SDK1: variants seen among roughly 807,000 people sequenced by gnomAD.
SDK1 encodes the protein protein sidekick-1.
SDK1 carries 157 observed loss-of-function variants against 245.5 expected under a neutral mutation model. The ratio of observed to expected loss-of-function variants is 0.64; its 90% CI spans 0.56 to 0.73. The LOEUF is 0.73. Ranked by LOEUF, SDK1 falls within the 30% of genes least tolerant of loss-of-function variation. The pLI is 0.00. For synonymous variants in SDK1, 1,647 were observed against 1,278.5 expected, an observed-to-expected ratio of 1.29 and a Z score of -6.15; for missense variants, 3,583 against 3,002.3, an observed-to-expected ratio of 1.19 and a Z score of -4.52.
intron 14 of SDK1, among the ~76,000 whole-genome samples, chr7:4,004,801 C>G (rs1008745983): frequency 6.6e-6 from 1 of 152,244 alleles, no homozygotes; most frequent in East Asian, 1.9e-4. Flanking sequence ...GCTATTCAGT[C>G]TATATTTAAT....
intron 7 of SDK1, among the ~76,000 whole-genome samples, chr7:3,953,269 AT>A (rs1422961466): frequency 6.6e-6 from 1 of 152,158 alleles, no homozygotes; most frequent in East Asian, 1.9e-4. Context: ...TCCTTTAATC[AT>A]TAGGAAATGA....
chr7:3,613,076 G>T (rs1488545523), intron 1 of SDK1, among the ~76,000 whole-genome samples: 3 of 152,206 alleles, frequency 2.0e-5, no homozygotes, highest in Non-Finnish European at 4.4e-5. Flanking sequence ...AGAACTTGCA[G>T]TTCAACTTGC....
In SDK1 at chr7:3,696,069, T is replaced by A. The variant is rs377075691; in HGVS notation, c.713+53964T>A. 2.6e-5 allele frequency among the ~76,000 whole-genome samples: 4 copies of A among 152,266 alleles called. No individual in the cohort carries two copies. In the South Asian group the frequency reaches 8.3e-4, roughly 32 times the overall value. ...GCGTTCCGGTTTTCCCACTTGTCCC[T>A]TGTTCTTATGCAATACTTGATCCTC... On this transcript the variant is annotated intron_variant, in intron 4 of 44. Coordinates refer to ENST00000404826, the MANE Select transcript of SDK1 (RefSeq NM_152744.4).
At chr7:3,439,698 A>G (rs1051834858) in intron 1 of SDK1, among the ~76,000 whole-genome samples, 2 of 152,268 alleles carry the variant, frequency 1.3e-5, no homozygotes, top group African/African-American at 4.8e-5. Context: ...GATAAGATAC[A>G]GCTTGCTTTA....
At chr7:4,241,681 G>C in intron 42 of SDK1, 112 bp from the exon 43 acceptor site, 1 of 1,347,088 alleles carries the variant, frequency 7.4e-7, no homozygotes, top group Non-Finnish European at 1.0e-6. Context: ...TCAGCTCTGG[G>C]CTCTGCGTGC....
chr7:3,992,225 C>T (rs773521447), intron 14 of SDK1, among the ~76,000 whole-genome samples: 86 of 152,226 alleles, frequency 5.6e-4, no homozygotes, highest in Non-Finnish European at 8.4e-4. Context: ...GGGCCTCTTC[C>T]GAGCTCTGTG....
chr7:3,385,351 C>T (rs938902981), intron 1 of SDK1, among the ~76,000 whole-genome samples: 2 of 152,060 alleles, frequency 1.3e-5, no homozygotes, highest in African/African-American at 2.4e-5. Flanking sequence ...TGTAACTTAA[C>T]ATTTCCATTT....
chr7:3,661,830 A>G (rs1278392908), intron 4 of SDK1, among the ~76,000 whole-genome samples: 1 of 152,136 alleles, frequency 6.6e-6, no homozygotes, highest in Non-Finnish European at 1.5e-5. Flanking sequence ...TCCGGGCACC[A>G]CACTTTCCTG....
intron 5 of SDK1, among the ~76,000 whole-genome samples, chr7:3,862,088 C>G (rs2115119101): frequency 6.6e-6 from 1 of 152,322 alleles, no homozygotes. Context: ...GGGGAGTTTC[C>G]TGCAGAAACA....
chr7:3,356,615 CTAAG>C (rs1458592345), intron 1 of SDK1, among the ~76,000 whole-genome samples: 2 of 152,126 alleles, frequency 1.3e-5, no homozygotes, highest in Non-Finnish European at 2.9e-5. Flanking sequence ...AGGTATAGAA[CTAAG>C]TGTGTTGTCT....
chr7:4,158,910 A>G (rs1780938595), intron 31 of SDK1, among the ~76,000 whole-genome samples: 1 of 152,232 alleles, frequency 6.6e-6, no homozygotes, highest in Non-Finnish European at 1.5e-5. Context: ...CTTTGACAAC[A>G]GCGCAGGTAA....
At chr7:3,407,050 C>T (rs1367893364) in intron 1 of SDK1, among the ~76,000 whole-genome samples, 1 of 152,116 alleles carries the variant, frequency 6.6e-6, no homozygotes, top group African/African-American at 2.4e-5. Context: ...CAGAGATTAT[C>T]CTTTCACCCA....
chr7:3,687,494 A>G (rs1015628741), intron 4 of SDK1, among the ~76,000 whole-genome samples: 2 of 152,234 alleles, frequency 1.3e-5, no homozygotes, highest in Admixed American at 1.3e-4. Flanking sequence ...CTGGTAACAG[A>G]TATCGAACCG....
chr7:3,865,481 G>C (rs946290199), intron 5 of SDK1, among the ~76,000 whole-genome samples: 1 of 152,084 alleles, frequency 6.6e-6, no homozygotes, highest in Non-Finnish European at 1.5e-5. Context: ...TAGAAACCAG[G>C]TGTCTATTTT....
chr7:3,440,225 A>T (rs1220474711), intron 1 of SDK1, among the ~76,000 whole-genome samples: 1 of 152,188 alleles, frequency 6.6e-6, no homozygotes, highest in Admixed American at 6.5e-5. Context: ...CAAAGGAAGG[A>T]TGGAGCTTTT....
At chr7:3,363,645 C>T (rs895485801) in intron 1 of SDK1, among the ~76,000 whole-genome samples, 8 of 152,176 alleles carry the variant, frequency 5.3e-5, no homozygotes, top group African/African-American at 1.9e-4. Flanking sequence ...CACCTCACGT[C>T]ATCAGGCATT....
chr7:4,164,493 G>T (rs1781368598), intron 32 of SDK1, among the ~76,000 whole-genome samples: 1 of 152,212 alleles, frequency 6.6e-6, no homozygotes, highest in African/African-American at 2.4e-5. Context: ...AGTCCCAAGT[G>T]CTCGTTTCCC....
chr7:3,430,585 C>T (rs1228671046), intron 1 of SDK1, among the ~76,000 whole-genome samples: 2 of 152,174 alleles, frequency 1.3e-5, no homozygotes, highest in Non-Finnish European at 2.9e-5. Flanking sequence ...GCCTCCTGTC[C>T]TATGTGACAG....
intron 4 of SDK1, among the ~76,000 whole-genome samples, chr7:3,782,137 C>T (rs921482141): frequency 6.6e-6 from 1 of 152,202 alleles, no homozygotes; most frequent in African/African-American, 2.4e-5. Flanking sequence ...GCTCATGGTT[C>T]TGCAGACAGT....
Sources: allele counts gnomAD v4.1 joint callset (sites outside exome capture counted in the v4.1 genomes callset), GRCh38; gene constraint gnomAD v4.1.1; transcripts MANE v1.5; gene names NCBI Gene and HGNC (gene_info 2026-07-23, HGNC 2026-07-21).